RAB22A: variants seen among roughly 807,000 people sequenced by gnomAD.
RAB22A encodes ras-related protein Rab-22A.
A neutral mutation model predicts 30.2 loss-of-function variants in RAB22A; 13 were observed. The observed-to-expected ratio is 0.43, with a 90% CI of 0.28 to 0.68. RAB22A has a LOEUF of 0.68. RAB22A is among the 30% of genes least tolerant of loss of function. The pLI, the probability that RAB22A is intolerant of heterozygous loss-of-function variation, is 0.18. For missense variants in RAB22A, 177 were observed against 246.8 expected, an observed-to-expected ratio of 0.72 and a Z score of 1.89; for synonymous variants, 89 against 87.2, an observed-to-expected ratio of 1.02 and a Z score of -0.11.
intron 2 of RAB22A, among the ~76,000 whole-genome samples, chr20:58,343,210 A>G (rs571382088): frequency 1.1e-4 from 16 of 152,276 alleles, no homozygotes; most frequent in African/African-American, 3.9e-4. Flanking sequence ...TTCTCCAGCC[A>G]TCTTCCTGCT....
intron 2 of RAB22A, among the ~76,000 whole-genome samples, chr20:58,333,395 AT>A (rs1986694976): frequency 6.6e-6 from 1 of 152,222 alleles, no homozygotes; most frequent in African/African-American, 2.4e-5. Flanking sequence ...TTCTTCAAAA[AT>A]AAAGGTGAAT....
intron 2 of RAB22A, among the ~76,000 whole-genome samples, chr20:58,343,484 G>A (rs1207345700): frequency 6.6e-6 from 1 of 152,068 alleles, no homozygotes; most frequent in Middle Eastern, 3.2e-3. Flanking sequence ...TTTTGATAAG[G>A]AGCTTAGAAC....
At chr20:58,323,818 A>G (rs1478179882) in intron 2 of RAB22A, among the ~76,000 whole-genome samples, 1 of 150,880 alleles carries the variant, frequency 6.6e-6, no homozygotes, top group Non-Finnish European at 1.5e-5. Flanking sequence ...TTTTTTTTTA[A>G]CATAATGTTG....
chr20:58,322,086 C>T (rs922335101), intron 2 of RAB22A, among the ~76,000 whole-genome samples: 2 of 152,208 alleles, frequency 1.3e-5, no homozygotes, highest in African/African-American at 4.8e-5. Flanking sequence ...GCATGAGCCA[C>T]CTCACCGGGC....
intron 2 of RAB22A, among the ~76,000 whole-genome samples, chr20:58,329,496 T>C (rs1263722134): frequency 6.6e-6 from 1 of 152,242 alleles, no homozygotes; most frequent in Non-Finnish European, 1.5e-5. Context: ...TGTTACCCTA[T>C]ATGTAATGCC....
intron 3 of RAB22A, among the ~76,000 whole-genome samples, chr20:58,352,442 G>A (rs2122967350): frequency 6.6e-6 from 1 of 152,252 alleles, no homozygotes; most frequent in African/African-American, 2.4e-5. Flanking sequence ...TTAAGTATAG[G>A]CAAAATTCTT....
intron 2 of RAB22A, among the ~76,000 whole-genome samples, chr20:58,330,541 T>A (rs1986645323): frequency 6.6e-6 from 1 of 152,150 alleles, no homozygotes; most frequent in Admixed American, 6.5e-5. Context: ...GCTGCAAAGA[T>A]TTTAGATTTT....
intron 6 of RAB22A, among the ~76,000 whole-genome samples, chr20:58,358,914 G>A (rs192382512): frequency 7.3e-5 from 11 of 151,582 alleles, no homozygotes; most frequent in African/African-American, 2.7e-4. Context: ...AAAAAAAAAG[G>A]TGACGGCTCT....
intron 3 of RAB22A, chr20:58,345,601 A>T (rs964616616): frequency 4.6e-5 from 7 of 152,214 alleles, no homozygotes; most frequent in African/African-American, 1.7e-4. Context: ...ATGAGCACAC[A>T]CTCCAGCCAG....
intron 2 of RAB22A, among the ~76,000 whole-genome samples, chr20:58,328,494 A>G (rs969762193): frequency 3.9e-5 from 6 of 152,128 alleles, no homozygotes; most frequent in African/African-American, 1.2e-4. Flanking sequence ...TTTATATTGT[A>G]CTTGCAACTT....
Position 58,364,856 on chromosome 20 carries a change from T to C in RAB22A, c.*5153T>C, listed in dbSNP as rs1987287953. 1 of 151,708 alleles carries C rather than the reference T, an allele frequency of 6.6e-6. No individual in the cohort carries two copies. The highest frequency in any genetic ancestry group is 2.1e-4 in the South Asian group (1 of 4,798). The allele number at this position is 151,708 out of a possible 1,614,324, so 9.4% of individuals were successfully genotyped here. On this transcript the variant is annotated 3_prime_UTR_variant, in exon 7 of 7. Transcript: ENST00000244040. ...TTCAAGCAGTTCTCCTGCCTCAGCC[T>C]CCTGAGTAGCTGGGATGACAGGCGT...
intron 3 of RAB22A, 140 bp downstream of exon 3, chr20:58,343,939 AGCCTTT>A: frequency 2.7e-6 from 2 of 728,500 alleles, no homozygotes; most frequent in Non-Finnish European, 4.6e-6. Context: ...TGCGTAGGCC[AGCCTTT>A]GCCTTTGCCT....
chr20:58,365,685 G>A lies in RAB22A; in HGVS notation c.*5982G>A, dbSNP rs9973988. On this transcript the variant is annotated 3_prime_UTR_variant, in exon 7 of 7. Transcript: ENST00000244040. ...TTTTTTTTCTTTTTTTTTTTGAGAC[G>A]GAGTCTCGCTCTGTCACCCAGGCTG... is the stretch of plus-strand genomic sequence containing the variant. 1,640 of 151,230 alleles carry A rather than the reference G, an allele frequency of 0.011. 28 individuals carry two copies. The highest frequency in any genetic ancestry group is 0.031 in the African/African-American group (1,284 of 41,078). The allele number at this position is 151,230 out of a possible 1,614,324, so 9.4% of individuals were successfully genotyped here. A position where few individuals can be genotyped will look rare whatever the true frequency, so the allele number is the denominator to read the frequency against.
chr20:58,355,817 C>T (rs1489044413), intron 6 of RAB22A, among the ~76,000 whole-genome samples: 3 of 152,060 alleles, frequency 2.0e-5, no homozygotes, highest in Non-Finnish European at 4.4e-5. Flanking sequence ...AGAGCAAAAC[C>T]CTGTCTCTTA....
intron 3 of RAB22A, among the ~76,000 whole-genome samples, chr20:58,352,515 A>C (rs1366894633): frequency 6.6e-6 from 1 of 152,212 alleles, no homozygotes; most frequent in Non-Finnish European, 1.5e-5. Flanking sequence ...GTGCCCAAGA[A>C]CTGAGATTGA....
rs1180499565 is a variant in RAB22A at position 58,366,364 on chromosome 20, A to G, written c.*6661A>G. On this transcript the variant is annotated 3_prime_UTR_variant, in exon 7 of 7. Coordinates refer to ENST00000244040, the MANE Select transcript of RAB22A (RefSeq NM_020673.3). ...GATGAACAGAAGTTGATTAGTGGGC[A>G]CAGAAATACAGTTAGATAGAAGGAA... 4 of 152,222 alleles carry G rather than the reference A, an allele frequency of 2.6e-5. No homozygotes were observed. The highest frequency in any genetic ancestry group is 9.6e-5 in the African/African-American group (4 of 41,462). 9.4% of individuals were successfully genotyped at this position (152,222 alleles called of 1,614,324 possible).
At position 58,317,843 on chromosome 20, in the gene RAB22A, G is replaced by A. The variant is rs138426985; in HGVS notation, c.116+6721G>A. ...TTACAGGCGTGAACCACCACGCCTG[G>A]CCTATTATTCTTTTTTAATTTTTTA... is the stretch of plus-strand genomic sequence containing the variant. On this transcript the variant is annotated intron_variant, in intron 2 of 6. Coordinates refer to ENST00000244040, the MANE Select transcript of RAB22A (RefSeq NM_020673.3). 3.9e-3 allele frequency among the ~76,000 whole-genome samples: 591 copies of A among 150,732 alleles called. 2 individuals carry two copies. The highest frequency in any genetic ancestry group is 5.8e-3 in the Non-Finnish European group (396 of 67,710).
At chr20:58,356,022 G>C (rs941185968) in intron 6 of RAB22A, among the ~76,000 whole-genome samples, 4 of 152,080 alleles carry the variant, frequency 2.6e-5, no homozygotes, top group African/African-American at 7.2e-5. Context: ...TTAAAAACAG[G>C]AAAGTAGGCC....
intron 6 of RAB22A, among the ~76,000 whole-genome samples, chr20:58,358,600 AAAG>A (rs1987172579): frequency 6.6e-6 from 1 of 152,240 alleles, no homozygotes. Context: ...GAGCTGTTAA[AAAG>A]AAGGCAGCAG....
Sources: gnomAD v4.1 joint callset for allele counts (sites outside exome capture counted in the v4.1 genomes callset) on GRCh38, gnomAD v4.1.1 for gene constraint, MANE v1.5 for transcripts, NCBI Gene and HGNC (gene_info 2026-07-23, HGNC 2026-07-21) for gene names.